Variants in SASH1 observed in about 807,000 individuals in gnomAD.
SASH1 encodes SAM and SH3 domain-containing protein 1.
SASH1 carries 44 observed loss-of-function variants against 125.2 expected under a neutral mutation model. The ratio of observed to expected loss-of-function variants is 0.35; its 90% confidence interval spans 0.28 to 0.45. The LOEUF (loss-of-function observed/expected upper bound fraction) is 0.45. Among genes scored for constraint, SASH1 ranks in the 20% least tolerant of loss-of-function variants. SASH1 has a pLI of 1.00. For synonymous variants in SASH1, 639 were observed against 649.1 expected (o/e 0.98, Z 0.24); for missense variants, 1,426 against 1,614.5 (o/e 0.88, Z 2.00).
intron 1 of SASH1, among the ~76,000 whole-genome samples, chr6:148,333,885 T>G (rs929113461): frequency 6.6e-6 from 1 of 151,746 alleles, no homozygotes; most frequent in African/African-American, 2.4e-5. Flanking sequence ...TGCAGTGGCG[T>G]GATCTCAGCT....
rs368992853 is a variant in SASH1, at chr6:148,424,268, C to T, written c.286-15916C>T. ...TTGGGGGGGGGAGGTGGGACAGGGT[C>T]TCGCTCTGTCACCCAGGCTGGAGTG... is the stretch of plus-strand genomic sequence containing the variant. On this transcript the variant is annotated intron_variant, in intron 2 of 19. Coordinates refer to ENST00000367467, the MANE Select transcript of SASH1 (RefSeq NM_015278.5). Among the ~76,000 whole-genome samples, 10 of 150,524 alleles carry T rather than the reference C, an allele frequency of 6.6e-5. No individual in the cohort carries two copies. The South Asian group carries it at 2.1e-3, about 32-fold the overall frequency.
At chr6:148,536,115 T>TAACA (rs1283147648) in intron 16 of SASH1, among the ~76,000 whole-genome samples, 4 of 152,326 alleles carry the variant, frequency 2.6e-5, no homozygotes, top group Non-Finnish European at 5.9e-5. Flanking sequence ...TATCACTTTA[T>TAACA]AACAAGGTCT....
At chr6:148,513,060 C>T in intron 8 of SASH1, 6 of 985,378 alleles carry the variant, frequency 6.1e-6, no homozygotes, top group Non-Finnish European at 7.2e-6. Flanking sequence ...ATTTTTATGC[C>T]TAAATAATGC....
At chr6:148,274,063 C>T (rs1703078616) in intron 1 of SASH1, among the ~76,000 whole-genome samples, 1 of 152,148 alleles carries the variant, frequency 6.6e-6, no homozygotes, top group Admixed American at 6.5e-5. Flanking sequence ...GCTAGACTGC[C>T]AGTCAAAGCA....
chr6:148,534,106 C>CATCATA, intron 15 of SASH1, 126 bp downstream of exon 15: 1 of 716,140 alleles, frequency 1.4e-6, no homozygotes, highest in Non-Finnish European at 2.3e-6. Context: ...AAGGGCAGCT[C>CATCATA]GTTACTATGA....
At chr6:148,486,351 C>T (rs1459792631) in intron 7 of SASH1, among the ~76,000 whole-genome samples, 7 of 152,122 alleles carry the variant, frequency 4.6e-5, no homozygotes, top group Admixed American at 1.3e-4. Flanking sequence ...GAACTCCTGA[C>T]CTCAGGTGAT....
intron 1 of SASH1, among the ~76,000 whole-genome samples, chr6:148,326,341 T>TATATATATATATGC (rs1780808439): frequency 1.1e-5 from 1 of 88,376 alleles, no homozygotes; most frequent in African/African-American, 4.4e-5. Context: ...TATATATATA[T>TATATATATATATGC]ATATATATAT....
chr6:148,476,534 T>C (rs1778354987), intron 7 of SASH1, among the ~76,000 whole-genome samples: 1 of 151,944 alleles, frequency 6.6e-6, no homozygotes. Context: ...ATACAAAAAT[T>C]AGCCAGGCGT....
Position 148,343,047 on chromosome 6 carries a change from G to C in SASH1, c.-21G>C. 7.9e-7 allele frequency: 1 copy of C among 1,265,704 alleles called. No individual in the cohort carries two copies. The highest frequency in any genetic ancestry group is 9.9e-7 in the Non-Finnish European group (1 of 1,008,266). The allele number at this position is 1,265,704 out of a possible 1,614,324, so 78.4% of individuals were successfully genotyped here. A position where few individuals can be genotyped will look rare whatever the true frequency, so the allele number is the denominator to read the frequency against. On this transcript the variant is annotated 5_prime_UTR_variant, in exon 1 of 20. Transcript: ENST00000367467. ...GGCGCCGCGGGGACTGGGACGCACGGCCCGCGCGCGGGACACGGCCATGGA... is the reference window on the plus strand; with the variant it reads ...GGCGCCGCGGGGACTGGGACGCACGCCCCGCGCGCGGGACACGGCCATGGA...
At position 148,479,371 on chromosome 6, in the gene SASH1, A is replaced by G. The variant is rs545384786; in HGVS notation, c.627+5149A>G. ...GCCGACTGCACCACTTTTTAATAGTAAAACCAAAGATGCAGAAGATGTCTA... is the reference window on the plus strand; with the variant it reads ...GCCGACTGCACCACTTTTTAATAGTGAAACCAAAGATGCAGAAGATGTCTA... On this transcript the variant is annotated intron_variant, in intron 7 of 19. Coordinates refer to ENST00000367467, the MANE Select transcript of SASH1 (RefSeq NM_015278.5). 15 of 194,920 alleles carry G rather than the reference A, an allele frequency of 7.7e-5. No individual in the cohort carries two copies. In the South Asian group the frequency reaches 1.6e-3, roughly 21 times the overall value. The allele number at this position is 194,920 out of a possible 1,614,324, so 12.1% of individuals were successfully genotyped here. A position where few individuals can be genotyped will look rare whatever the true frequency, so the allele number is the denominator to read the frequency against.
intron 1 of SASH1, among the ~76,000 whole-genome samples, chr6:148,275,610 A>G (rs1233249832): frequency 6.6e-6 from 1 of 152,212 alleles, no homozygotes; most frequent in Non-Finnish European, 1.5e-5. Flanking sequence ...CAAAATTCCA[A>G]GGACCCCAGT....
chr6:148,309,303 G>T (rs1215923717), intron 1 of SASH1, among the ~76,000 whole-genome samples: 1 of 152,200 alleles, frequency 6.6e-6, no homozygotes, highest in East Asian at 1.9e-4. Flanking sequence ...AGGCTAAGCA[G>T]TGGTTTGCTG....
Position 148,290,348 on chromosome 6 carries a change from T to G in SASH1, n.74+17971T>G, listed in dbSNP as rs113913910. On this transcript the variant is annotated intron_variant and non_coding_transcript_variant, in intron 1 of 3. Coordinates refer to the SASH1 transcript ENST00000367469. ...TTGGCCGGGCGCGGTGGCTCATGCC[T>G]GTAATCCCAGCACTTTGGGAGGCCG... Among the ~76,000 whole-genome samples the G allele has an allele frequency of 2.9e-3, 439 of 151,436 alleles. 4 individuals carry two copies. Among genetic ancestry groups the G allele is most frequent in the African/African-American group, 0.01 (423 of 41,364 alleles).
chr6:148,436,816 C>T (rs1776308932), intron 2 of SASH1, among the ~76,000 whole-genome samples: 1 of 152,238 alleles, frequency 6.6e-6, no homozygotes, highest in Non-Finnish European at 1.5e-5. Context: ...CTGTGAACAT[C>T]ATAAGGTGCT....
chr6:148,408,643 G>A (rs9390566), intron 2 of SASH1, among the ~76,000 whole-genome samples: 18,586 of 152,040 alleles, frequency 0.12, 1,292 homozygotes, highest in Admixed American at 0.22. Flanking sequence ...ACTCTTGATC[G>A]TGTCCTTTGA....
intron 2 of SASH1, among the ~76,000 whole-genome samples, chr6:148,426,228 A>G: frequency 6.6e-6 from 1 of 152,186 alleles, no homozygotes; most frequent in East Asian, 1.9e-4. Context: ...AAATAAATAA[A>G]TAAATAAAAA....
the SASH1 span, among the ~76,000 whole-genome samples, chr6:148,233,766 A>G: frequency 2.7e-5 from 4 of 147,552 alleles, no homozygotes; most frequent in African/African-American, 9.9e-5. Flanking sequence ...AAAAAAAATT[A>G]GCTGGACATG....
At chr6:148,259,491 A>G in the SASH1 span, among the ~76,000 whole-genome samples, 1 of 152,170 alleles carries the variant, frequency 6.6e-6, no homozygotes, top group African/African-American at 2.4e-5. Flanking sequence ...CTCCTGTTGA[A>G]GGCGCCACGA....
In SASH1 at chr6:148,534,953, C is replaced by T. The variant is rs1386691358; in HGVS notation, c.2095+52C>T. The T allele has an allele frequency of 4.4e-6, 7 of 1,583,722 alleles. No homozygotes were observed. The East Asian group carries it at 8.9e-5, about 20-fold the overall frequency. On this transcript the variant is annotated intron_variant, in intron 16 of 19. Transcript: ENST00000367467. ...TCCCTGTGAGGTCTGCCACAGCAGG[C>T]CCCACGTATGCTGCCAGTATGTGCT...
Sources: gnomAD v4.1 joint callset for allele counts (sites outside exome capture counted in the v4.1 genomes callset) on GRCh38, gnomAD v4.1.1 for gene constraint, MANE v1.5 for transcripts, NCBI Gene and HGNC (gene_info 2026-07-23, HGNC 2026-07-21) for gene names.